The following FAAH2 variants were observed in gnomAD, a reference collection of about 807,000 sequenced individuals.
The protein encoded by FAAH2 is fatty-acid amide hydrolase 2.
In FAAH2, 60 loss-of-function variants were observed where a neutral mutation model predicts 36.9. The observed-to-expected ratio is 1.63, with a 90% CI of 1.32 to 2.02. The LOEUF (loss-of-function observed/expected upper bound fraction) is 2.02. Ranked by LOEUF, FAAH2 falls within the 30% of genes most tolerant of loss-of-function variation. The pLI, the probability that FAAH2 is intolerant of heterozygous loss-of-function variation, is 0.00. For synonymous variants in FAAH2, 214 were observed against 143.8 expected (o/e 1.49, Z -3.49); for missense variants, 689 against 397.5 (o/e 1.73, Z -6.23).
the FAAH2 span, among the ~76,000 whole-genome samples, chrX:57,254,115 A>G: frequency 9.0e-6 from 1 of 110,859 alleles, no homozygotes; most frequent in Non-Finnish European, 1.9e-5. Flanking sequence ...AAAAAAAGGC[A>G]AGGGGTGCAA....
At chrX:57,247,036 ATAT>A in the FAAH2 span, among the ~76,000 whole-genome samples, 3 of 111,870 alleles carry the variant, frequency 2.7e-5, no homozygotes, top group East Asian at 2.8e-4. Context: ...ATTTTATAAA[ATAT>A]TATTTTATTA....
chrX:57,240,039 T>G, the FAAH2 span, among the ~76,000 whole-genome samples: 2 of 112,179 alleles, frequency 1.8e-5, no homozygotes, highest in Non-Finnish European at 3.8e-5. Flanking sequence ...TTTCAGCCAT[T>G]TTGGTCTGGT....
chrX:57,333,676 C>T (rs1424692144), intron 4 of FAAH2, among the ~76,000 whole-genome samples: 4 of 110,376 alleles, frequency 3.6e-5, no homozygotes, highest in African/African-American at 6.6e-5. Flanking sequence ...AGGAAACCTT[C>T]GGTGATGTGG....
the FAAH2 span, among the ~76,000 whole-genome samples, chrX:57,183,118 T>C: frequency 2.7e-5 from 3 of 110,982 alleles, no homozygotes; most frequent in African/African-American, 9.8e-5. Context: ...GTTACAAGGC[T>C]TCGTACCTTG....
At chrX:57,401,651 T>C (rs912654080) in intron 7 of FAAH2, among the ~76,000 whole-genome samples, 3 of 111,411 alleles carry the variant, frequency 2.7e-5, no homozygotes, top group African/African-American at 9.8e-5. Flanking sequence ...GGAATCCTTG[T>C]TGGGCTTCGG....
the FAAH2 span, among the ~76,000 whole-genome samples, chrX:57,251,724 C>G: frequency 9.0e-5 from 10 of 111,651 alleles, no homozygotes; most frequent in South Asian, 1.9e-3. Context: ...TCATGAGAGT[C>G]GCTTCCAAGA....
At chrX:57,464,880 AAAAC>A (rs760442231) in intron 10 of FAAH2, among the ~76,000 whole-genome samples, 8 of 111,803 alleles carry the variant, frequency 7.2e-5, no homozygotes, top group African/African-American at 2.6e-4. Flanking sequence ...AATGACAACA[AAAAC>A]AAAATCAGGC....
At chrX:57,392,548 C>T in intron 7 of FAAH2, 2 of 795,235 alleles carry the variant, frequency 2.5e-6, no homozygotes, top group Non-Finnish European at 3.7e-6. Context: ...CAGGGGCTGA[C>T]TCTTGGCTGC....
chrX:57,395,027 C>A, intron 7 of FAAH2: 2 of 560,671 alleles, frequency 3.6e-6, no homozygotes, highest in Non-Finnish European at 6.6e-6. Flanking sequence ...TTTCCCAGCA[C>A]TGATGCTAGT....
intron 7 of FAAH2, among the ~76,000 whole-genome samples, chrX:57,409,574 T>C (rs2055649412): frequency 9.0e-6 from 1 of 111,433 alleles, no homozygotes; most frequent in African/African-American, 3.2e-5. Context: ...TTATTCATTA[T>C]TGGTGTGTTC....
At chrX:57,418,495 C>A (rs1209213551) in intron 7 of FAAH2, among the ~76,000 whole-genome samples, 1 of 110,913 alleles carries the variant, frequency 9.0e-6, no homozygotes, top group Non-Finnish European at 1.9e-5. Context: ...GGTTCCCTGA[C>A]CCCTTGTGCA....
chrX:57,274,383 G>C, the FAAH2 span, among the ~76,000 whole-genome samples: 2 of 112,165 alleles, frequency 1.8e-5, no homozygotes, highest in Non-Finnish European at 3.8e-5. Context: ...AATAGAAAAA[G>C]AGGGCATCCT....
At chrX:57,366,099 T>A (rs139475119) in intron 5 of FAAH2, among the ~76,000 whole-genome samples, 50 of 110,278 alleles carry the variant, frequency 4.5e-4, no homozygotes, top group African/African-American at 1.5e-3. Flanking sequence ...AAGAAGACAC[T>A]CTAACTTCTA....
At chrX:57,330,911 C>A (rs1038796848) in intron 3 of FAAH2, among the ~76,000 whole-genome samples, 1 of 110,248 alleles carries the variant, frequency 9.1e-6, no homozygotes, top group Non-Finnish European at 1.9e-5. Context: ...AATTGTGATG[C>A]AGGGCCCCAG....
intron 10 of FAAH2, among the ~76,000 whole-genome samples, chrX:57,471,158 T>C (rs2057157668): frequency 9.0e-6 from 1 of 111,663 alleles, no homozygotes; most frequent in Admixed American, 9.5e-5. Context: ...GAGAAAAAAC[T>C]GGAAGCATTC....
chrX:57,369,696 A>G (rs1401928665), intron 5 of FAAH2, among the ~76,000 whole-genome samples: 2 of 112,192 alleles, frequency 1.8e-5, no homozygotes, highest in Non-Finnish European at 3.8e-5. Context: ...TTATCTTTAC[A>G]TTAAATGCTT....
intron 5 of FAAH2, among the ~76,000 whole-genome samples, chrX:57,361,577 T>A (rs1164176557): frequency 8.9e-6 from 1 of 111,815 alleles, no homozygotes; most frequent in Non-Finnish European, 1.9e-5. Context: ...TTAATTTTCA[T>A]GTATTTGTTT....
the FAAH2 span, among the ~76,000 whole-genome samples, chrX:57,137,945 T>C: frequency 1.2e-3 from 130 of 111,541 alleles, 1 homozygote; most frequent in African/African-American, 4.1e-3. Flanking sequence ...GAAATTCCTA[T>C]CCATAGATTC....
At chrX:57,142,582 C>T in the FAAH2 span, among the ~76,000 whole-genome samples, 1 of 111,755 alleles carries the variant, frequency 8.9e-6, no homozygotes, top group African/African-American at 3.2e-5. Context: ...TATTCTGCTC[C>T]TTTTGGGTGA....
Sources: gnomAD v4.1 joint callset for allele counts (sites outside exome capture counted in the v4.1 genomes callset) on GRCh38, gnomAD v4.1.1 for gene constraint, MANE v1.5 for transcripts, NCBI Gene and HGNC (gene_info 2026-07-23, HGNC 2026-07-21) for gene names.